NELL1: variants seen among roughly 807,000 people sequenced by gnomAD.
NELL1 encodes the protein neural EGFL like 1.
In NELL1, 76 loss-of-function variants were observed where a neutral mutation model predicts 107.4. The observed-to-expected ratio is 0.71, with a 90% CI of 0.59 to 0.86. The LOEUF is 0.86. Ranked by LOEUF, NELL1 falls within the 40% of genes least tolerant of loss-of-function variation. The pLI, the probability that NELL1 is intolerant of heterozygous loss-of-function variation, is 0.00. For synonymous variants in NELL1, 353 were observed against 341.2 expected (o/e 1.03, Z -0.38); for missense variants, 1,024 against 1,005.5 (o/e 1.02, Z -0.25).
chr11:21,124,785 C>T (rs1855452671), intron 13 of NELL1, among the ~76,000 whole-genome samples: 2 of 151,800 alleles, frequency 1.3e-5, no homozygotes, highest in Admixed American at 1.3e-4. Context: ...ATTTTTAGTA[C>T]AGACAGGGTT....
intron 14 of NELL1, among the ~76,000 whole-genome samples, chr11:21,295,429 T>G (rs1490565988): frequency 6.6e-6 from 1 of 152,078 alleles, no homozygotes; most frequent in Non-Finnish European, 1.5e-5. Context: ...AGTCAACTTA[T>G]TTCCTTAGAG....
At chr11:21,409,144 C>T (rs551712390) in intron 15 of NELL1, among the ~76,000 whole-genome samples, 8 of 152,034 alleles carry the variant, frequency 5.3e-5, no homozygotes, top group South Asian at 2.1e-4. Context: ...ATGTTTATTG[C>T]GGCACTATTA....
intron 15 of NELL1, among the ~76,000 whole-genome samples, chr11:21,531,992 C>T (rs1856001970): frequency 6.6e-6 from 1 of 152,060 alleles, no homozygotes; most frequent in African/African-American, 2.4e-5. Context: ...AACGTGAGCC[C>T]CTCTCAAGTA....
chr11:21,164,110 G>A (rs1336866336), intron 13 of NELL1, among the ~76,000 whole-genome samples: 1 of 152,154 alleles, frequency 6.6e-6, no homozygotes, highest in Admixed American at 6.5e-5. Flanking sequence ...GATCTTAAAT[G>A]TCTAGCCTCC....
intron 2 of NELL1, among the ~76,000 whole-genome samples, chr11:20,699,703 G>C (rs1163734272): frequency 6.6e-6 from 1 of 152,168 alleles, no homozygotes; most frequent in African/African-American, 2.4e-5. Flanking sequence ...ATTTAGGCTG[G>C]CTCCATATTT....
At chr11:20,985,712 G>A (rs1459722507) in intron 12 of NELL1, among the ~76,000 whole-genome samples, 1 of 152,192 alleles carries the variant, frequency 6.6e-6, no homozygotes, top group Non-Finnish European at 1.5e-5. Context: ...ATAAACCCAT[G>A]CTAGTTTAGA....
chr11:20,699,928 TC>T (rs1321120662), intron 2 of NELL1, among the ~76,000 whole-genome samples: 1 of 152,146 alleles, frequency 6.6e-6, no homozygotes, highest in Non-Finnish European at 1.5e-5. Flanking sequence ...TTTTATCACA[TC>T]CATGCCAACA....
intron 14 of NELL1, among the ~76,000 whole-genome samples, chr11:21,244,188 AAC>A (rs1858433435): frequency 6.6e-6 from 1 of 152,192 alleles, no homozygotes; most frequent in Admixed American, 6.6e-5. Context: ...GAGAAAAAAG[AAC>A]ACAACAAATC....
At chr11:21,344,040 AG>A (rs1850632176) in intron 14 of NELL1, among the ~76,000 whole-genome samples, 2 of 152,314 alleles carry the variant, frequency 1.3e-5, no homozygotes, top group South Asian at 4.1e-4. Context: ...CCCCATTTGA[AG>A]AACAGAAGCA....
At chr11:21,309,157 AC>A (rs1235438994) in intron 14 of NELL1, among the ~76,000 whole-genome samples, 1 of 150,438 alleles carries the variant, frequency 6.6e-6, no homozygotes, top group East Asian at 2.0e-4. Context: ...TATTAAGGTC[AC>A]ATAACAAGCA....
chr11:21,316,213 G>A (rs967707239), intron 14 of NELL1, among the ~76,000 whole-genome samples: 35 of 150,920 alleles, frequency 2.3e-4, no homozygotes, highest in Non-Finnish European at 7.4e-5. Flanking sequence ...AATACCCAGG[G>A]GACTTTTTAA....
At chr11:21,072,039 G>T in intron 12 of NELL1, among the ~76,000 whole-genome samples, 1 of 152,076 alleles carries the variant, frequency 6.6e-6, no homozygotes, top group South Asian at 2.1e-4. Context: ...TTATCATGGG[G>T]ATTAGGTTGC....
chr11:21,170,723 G>T (rs1856589333), intron 13 of NELL1, among the ~76,000 whole-genome samples: 1 of 134,846 alleles, frequency 7.4e-6, no homozygotes, highest in African/African-American at 2.8e-5. Context: ...ATATATATCT[G>T]TCACTCTATA....
intron 2 of NELL1, among the ~76,000 whole-genome samples, chr11:20,680,011 A>G (rs903547430): frequency 6.6e-6 from 1 of 152,150 alleles, no homozygotes; most frequent in East Asian, 1.9e-4. Context: ...CTGCCCGGCT[A>G]CAACAACTGG....
intron 13 of NELL1, among the ~76,000 whole-genome samples, chr11:21,223,957 G>A (rs887613815): frequency 1.3e-5 from 2 of 152,048 alleles, no homozygotes; most frequent in Admixed American, 1.3e-4. Flanking sequence ...GGTGGCATTT[G>A]TTTTTTCTTT....
At chr11:20,850,341 C>T (rs991167506) in intron 4 of NELL1, among the ~76,000 whole-genome samples, 2 of 152,200 alleles carry the variant, frequency 1.3e-5, no homozygotes, top group African/African-American at 2.4e-5. Context: ...GAGTTTTTCT[C>T]AACCTCTCAC....
At chr11:21,135,265 G>A (rs1385073158) in intron 13 of NELL1, among the ~76,000 whole-genome samples, 5 of 152,000 alleles carry the variant, frequency 3.3e-5, no homozygotes, top group African/African-American at 1.2e-4. Flanking sequence ...TTTTAGGAAG[G>A]AAAAAATATA....
At chr11:20,926,941 G>A (rs1317779749) in intron 7 of NELL1, 2 of 169,002 alleles carry the variant, frequency 1.2e-5, no homozygotes, top group Non-Finnish European at 2.5e-5. Context: ...GTGCCTCGGA[G>A]TTCCTGATTA....
intron 12 of NELL1, among the ~76,000 whole-genome samples, chr11:21,089,084 A>T (rs577015898): frequency 1.0e-3 from 158 of 152,306 alleles, no homozygotes; most frequent in African/African-American, 3.7e-3. Context: ...TGGGACATAG[A>T]TAAAAATGCT....
Sources: allele counts gnomAD v4.1 joint callset (sites outside exome capture counted in the v4.1 genomes callset), GRCh38; gene constraint gnomAD v4.1.1; transcripts MANE v1.5; gene names NCBI Gene and HGNC (gene_info 2026-07-23, HGNC 2026-07-21).